The following KRT80 variants were observed in gnomAD, a reference collection of about 807,000 sequenced individuals.
KRT80 encodes keratin, type II cytoskeletal 80.
In KRT80, 36 loss-of-function variants were observed where a neutral mutation model predicts 51.5. The observed-to-expected ratio is 0.70, with a 90% CI of 0.54 to 0.92. The LOEUF (loss-of-function observed/expected upper bound fraction) is 0.92, where lower values mean the gene tolerates loss of function less well. Among genes scored for constraint, KRT80 ranks in the 40% least tolerant of loss-of-function variants. The pLI is 0.00. For missense variants in KRT80, 566 were observed against 591.7 expected, an observed-to-expected ratio of 0.96 and a Z score of 0.45; for synonymous variants, 235 against 248.3, an observed-to-expected ratio of 0.95 and a Z score of 0.50.
At chr12:52,178,223 G>C (rs930662937) in intron 4 of KRT80, among the ~76,000 whole-genome samples, 4 of 152,128 alleles carry the variant, frequency 2.6e-5, no homozygotes, top group African/African-American at 9.7e-5. Context: ...TCCACAGCAG[G>C]CTCAGGATAG....
At chr12:52,189,024 C>G (rs1323666532) in intron 1 of KRT80, among the ~76,000 whole-genome samples, 13 of 152,166 alleles carry the variant, frequency 8.5e-5, no homozygotes, top group Admixed American at 7.2e-4. Flanking sequence ...ATGACTTGCC[C>G]AGGAAAACGC....
chr12:52,184,032 G>A (rs1236997302), intron 2 of KRT80, among the ~76,000 whole-genome samples: 2 of 152,182 alleles, frequency 1.3e-5, no homozygotes, highest in Non-Finnish European at 2.9e-5. Context: ...GATGCCCTGT[G>A]TGTGTTTCCC....
intron 1 of KRT80, among the ~76,000 whole-genome samples, chr12:52,186,106 T>G (rs376842047): frequency 2.6e-5 from 4 of 151,944 alleles, no homozygotes; most frequent in East Asian, 3.9e-4. Context: ...TTAGGAATGA[T>G]AACACCTGCC....
At position 52,171,534 on chromosome 12, in the gene KRT80, A is replaced by G. The variant is rs1941102283; in HGVS notation, c.1235-12T>C. 6 of 1,613,864 alleles carry G rather than the reference A, an allele frequency of 3.7e-6. No homozygotes were observed. Among genetic ancestry groups the G allele is most frequent in the Non-Finnish European group, 4.2e-6 (5 of 1,179,888 alleles). ...TGATCTGGAGGCAGCTACAGGGAACATAAGGGGTAGGGGAGGGAAGGGGCT... is the reference window on the plus strand; with the variant it reads ...TGATCTGGAGGCAGCTACAGGGAACGTAAGGGGTAGGGGAGGGAAGGGGCT... On this transcript the variant is annotated splice_polypyrimidine_tract_variant and intron_variant, in intron 8 of 8. Coordinates refer to ENST00000394815, the MANE Select transcript of KRT80 (RefSeq NM_182507.3).
rs1334627363 is a variant in KRT80, at chr12:52,191,726, A to G, written c.177T>C (p.Thr59=). The change falls in exon 1 of 9, where the codon ACT becomes ACC. Residue 59 remains threonine (T), a synonymous_variant. Transcript: ENST00000394815. ...GGGGCACCAGCAGGCCGGGGTTCAC[A>G]GTCACCTTGGAGATAGTGCCAGCCG... ...CWSAGTISKV[T]VNPGLLVPLD... The G allele has an allele frequency of 6.2e-7, 1 of 1,613,850 alleles. No individual in the cohort carries two copies. The highest frequency in any genetic ancestry group is 1.7e-5 in the Admixed American group (1 of 60,020).
intron 1 of KRT80, among the ~76,000 whole-genome samples, chr12:52,189,641 G>A (rs763098633): frequency 1.8e-4 from 27 of 152,162 alleles, no homozygotes; most frequent in Non-Finnish European, 3.4e-4. Flanking sequence ...AGGAGGGTGG[G>A]GCTAACAGAT....
At chr12:52,182,176 G>C (rs548535597) in intron 2 of KRT80, among the ~76,000 whole-genome samples, 5 of 152,314 alleles carry the variant, frequency 3.3e-5, no homozygotes, top group African/African-American at 1.2e-4. Flanking sequence ...TACAGGTCCT[G>C]GGGGTGGGGC....
At chr12:52,185,317 C>A in intron 2 of KRT80, 62 bp downstream of exon 2, 1 of 1,499,554 alleles carries the variant, frequency 6.7e-7, no homozygotes, top group Non-Finnish European at 9.1e-7. Flanking sequence ...TGCCTCCCAT[C>A]TGAGCACAGC....
rs1941060094 is a variant in KRT80 at position 52,170,122 on chromosome 12, C to T, written c.*1276G>A. The T allele has an allele frequency of 6.6e-6, 1 of 152,370 alleles. No individual in the cohort carries two copies. The highest frequency in any genetic ancestry group is 1.5e-5 in the Non-Finnish European group (1 of 68,148). 9.4% of individuals were successfully genotyped at this position (152,370 alleles called of 1,614,324 possible). A position where few individuals can be genotyped will look rare whatever the true frequency, so the allele number is the denominator to read the frequency against. ...GGAGTATGCCTGCCAACACCCCTGT[C>T]TTCTGGTGGGATGTGGAATTTTCCT... On this transcript the variant is annotated 3_prime_UTR_variant, in exon 9 of 9. Transcript: ENST00000394815.
chr12:52,180,407 T>C (rs1941298165), intron 4 of KRT80, 106 bp downstream of exon 4: 1 of 651,592 alleles, frequency 1.5e-6, no homozygotes. Flanking sequence ...TGTAAGTGAC[T>C]GTTGGAGGTT....
At chr12:52,178,883 AAAC>A (rs1296546275) in intron 4 of KRT80, among the ~76,000 whole-genome samples, 1 of 152,120 alleles carries the variant, frequency 6.6e-6, no homozygotes, top group East Asian at 1.9e-4. Context: ...TAAAAAAAAA[AAAC>A]AAGGCCAAGT....
At position 52,182,011 on chromosome 12, in the gene KRT80, C is replaced by T. The variant is rs1941330164; in HGVS notation, c.510-1048G>A. ...ATTGAGCTGGCTATATCTGGCGCCC[C>T]TCATGCCTTCTTCTTTCCCACCAGC... On this transcript the variant is annotated intron_variant, in intron 2 of 8. Transcript: ENST00000394815. 2.0e-5 allele frequency among the ~76,000 whole-genome samples: 3 copies of T among 152,216 alleles called. No individual in the cohort carries two copies. In the South Asian group the frequency reaches 6.2e-4, roughly 32 times the overall value.
intron 1 of KRT80, among the ~76,000 whole-genome samples, chr12:52,190,430 G>T (rs1941462839): frequency 6.6e-6 from 1 of 152,192 alleles, no homozygotes; most frequent in Admixed American, 6.5e-5. Context: ...TCCTCCAGAG[G>T]GCAAGGCATA....
At chr12:52,177,990 T>C (rs1385740571) in intron 4 of KRT80, among the ~76,000 whole-genome samples, 4 of 152,186 alleles carry the variant, frequency 2.6e-5, no homozygotes, top group African/African-American at 9.7e-5. Context: ...AAACTTAAAA[T>C]TACATATGCA....
intron 7 of KRT80, among the ~76,000 whole-genome samples, 186 bp from the exon 8 acceptor site, chr12:52,171,899 C>T (rs1232063535): frequency 6.6e-6 from 1 of 152,124 alleles, no homozygotes; most frequent in African/African-American, 2.4e-5. Context: ...GTCCCATCTC[C>T]ATGGCATAAA....
At chr12:52,178,022 G>A (rs1245706816) in intron 4 of KRT80, among the ~76,000 whole-genome samples, 1 of 152,108 alleles carries the variant, frequency 6.6e-6, no homozygotes, top group Non-Finnish European at 1.5e-5. Flanking sequence ...ATTTCTATCA[G>A]ACGGCACTGA....
At position 52,190,423 on chromosome 12, in the gene KRT80, T is replaced by A. The variant is rs1028080907; in HGVS notation, c.300+1180A>T. Among the ~76,000 whole-genome samples the A allele has an allele frequency of 2.6e-5, 4 of 152,228 alleles. No individual in the cohort carries two copies. In the South Asian group the frequency reaches 8.3e-4, roughly 32 times the overall value. ...AATTTCATTGCATTTGCAATGTTCC[T>A]CCAGAGGGCAAGGCATAAGTAGATG... is the stretch of plus-strand genomic sequence containing the variant. On this transcript the variant is annotated intron_variant, in intron 1 of 8. Coordinates refer to ENST00000394815, the MANE Select transcript of KRT80 (RefSeq NM_182507.3).
Position 52,185,373 on chromosome 12 carries a change from A to C in KRT80, c.509+6T>G. 3 of 1,607,202 alleles carry C rather than the reference A, an allele frequency of 1.9e-6. No homozygotes were observed. Among genetic ancestry groups the C allele is most frequent in the Non-Finnish European group, 2.6e-6 (3 of 1,176,294 alleles). ...TTGCTCATGGCTCTCATGGGGCTCT[A>C]CGTACCTGATTCGAAACTCCTCAAC... On this transcript the variant is annotated splice_donor_region_variant and intron_variant, in intron 2 of 8. Coordinates refer to ENST00000394815, the MANE Select transcript of KRT80 (RefSeq NM_182507.3).
chr12:52,172,265 T>C lies in KRT80; in HGVS notation c.1111A>G (p.Asn371Asp). ...RQLRKYQELM[N>D]VKLALDIEIA... Reference sequence around the variant, plus strand: ...TCGATGTCCAGGGCCAGCTTGACGTTCATCAGCTCCTGGTACTTGCGCAGC... The same window carrying C: ...TCGATGTCCAGGGCCAGCTTGACGTCCATCAGCTCCTGGTACTTGCGCAGC... Residue 371 changes from asparagine to aspartate, a missense_variant, in exon 7 of 9, where the codon AAC becomes GAC. Coordinates refer to ENST00000394815, the MANE Select transcript of KRT80 (RefSeq NM_182507.3). 6.2e-7 allele frequency: 1 copy of C among 1,613,918 alleles called. No individual in the cohort carries two copies. Among genetic ancestry groups the C allele is most frequent in the Non-Finnish European group, 8.5e-7 (1 of 1,179,868 alleles).
Sources: allele counts gnomAD v4.1 joint callset (sites outside exome capture counted in the v4.1 genomes callset), GRCh38; gene constraint gnomAD v4.1.1; transcripts MANE v1.5; gene names NCBI Gene and HGNC (gene_info 2026-07-23, HGNC 2026-07-21).